The following SH3D19 variants were observed in gnomAD, a reference collection of about 807,000 sequenced individuals.
SH3D19 encodes the protein SH3 domain containing 19, also known as SH3 domain-containing protein 19.
In SH3D19, 58 loss-of-function variants were observed where a neutral mutation model predicts 112.1. That is an observed-to-expected ratio of 0.52 (90% CI 0.42 to 0.64). The LOEUF is 0.64. Among genes scored for constraint, SH3D19 ranks in the 30% least tolerant of loss-of-function variants. The pLI is 0.00. For synonymous variants in SH3D19, 391 were observed against 448.5 expected, an observed-to-expected ratio of 0.87 and a Z score of 1.62; for missense variants, 1,090 against 1,263.4, an observed-to-expected ratio of 0.86 and a Z score of 2.08.
intron 7 of SH3D19, among the ~76,000 whole-genome samples, chr4:151,167,320 C>CT (rs138468708): frequency 2.6e-5 from 4 of 151,810 alleles, no homozygotes; most frequent in African/African-American, 9.6e-5. Flanking sequence ...TATAATAGTA[C>CT]TTTTTTTACT....
intron 1 of SH3D19, among the ~76,000 whole-genome samples, chr4:151,251,214 C>A (rs1254853148): frequency 6.4e-5 from 5 of 78,070 alleles, no homozygotes; most frequent in Non-Finnish European, 1.3e-4. Context: ...TTTTTTTTTT[C>A]CTGAGACGGA....
intron 9 of SH3D19, among the ~76,000 whole-genome samples, chr4:151,150,595 G>A (rs1754880354): frequency 6.6e-6 from 1 of 151,954 alleles, no homozygotes; most frequent in South Asian, 2.1e-4. Context: ...TAAGGTCCAA[G>A]AAAGCAGTGT....
chr4:151,292,299 TAA>T (rs879829140), intron 1 of SH3D19, among the ~76,000 whole-genome samples: 6 of 142,356 alleles, frequency 4.2e-5, no homozygotes, highest in Non-Finnish European at 4.6e-5. Flanking sequence ...ACCCTGTCTT[TAA>T]AAAAAAAAAA....
At chr4:151,179,239 G>GC (rs1383007976) in intron 4 of SH3D19, 116 bp downstream of exon 4, 1 of 510,980 alleles carries the variant, frequency 2.0e-6, no homozygotes, top group African/African-American at 2.0e-5. Context: ...TATTGATGAA[G>GC]CAGAATACAA....
At chr4:151,198,155 A>C (rs912796218) in intron 2 of SH3D19, among the ~76,000 whole-genome samples, 1 of 151,370 alleles carries the variant, frequency 6.6e-6, no homozygotes, top group Non-Finnish European at 1.5e-5. Flanking sequence ...AATACAAAAA[A>C]TAAGCCAGGC....
At chr4:151,170,478 G>A (rs1270197864) in intron 7 of SH3D19, 1 of 151,590 alleles carries the variant, frequency 6.6e-6, no homozygotes, top group East Asian at 1.9e-4. Context: ...CTTTTTCTGG[G>A]GTTCAATTTA....
At chr4:151,122,352 T>C (rs1055325241) in intron 19 of SH3D19, 145 bp from the exon 20 acceptor site, 3 of 570,478 alleles carry the variant, frequency 5.3e-6, no homozygotes, top group East Asian at 2.9e-5. Flanking sequence ...CAATGATCTA[T>C]ACCTAATGAT....
intron 1 of SH3D19, among the ~76,000 whole-genome samples, chr4:151,238,056 G>C (rs1007491476): frequency 2.6e-5 from 4 of 152,160 alleles, no homozygotes; most frequent in African/African-American, 7.2e-5. Context: ...GCAGAAGAGG[G>C]AGAAAGAGAG....
rs1771911439 is a variant in SH3D19, at chr4:151,256,304, G to A, written c.113-30218C>T. Among the ~76,000 whole-genome samples, 4 of 152,134 alleles carry A rather than the reference G, an allele frequency of 2.6e-5. No homozygotes were observed. The South Asian group carries it at 8.3e-4, about 32-fold the overall frequency. On this transcript the variant is annotated intron_variant, in intron 1 of 19. Transcript: ENST00000604030. ...GTGCAGAAATACAAGTCAGATTCCT[G>A]TTTATGTAAAATGTCGAGAAAGTCC...
chr4:151,187,152 A>C lies in SH3D19; in HGVS notation c.193+271T>G, dbSNP rs375039762. Among the ~76,000 whole-genome samples, 181 of 152,288 alleles carry C rather than the reference A, an allele frequency of 1.2e-3. 2 individuals carry two copies. Among genetic ancestry groups the C allele is most frequent in the East Asian group, 4.0e-3 (21 of 5,188 alleles). ...AACTAGAGAGGCAAATTAAAAAAAAAAAACAAACAGCTTTATAGTATCACA... is the reference window on the plus strand; with the variant it reads ...AACTAGAGAGGCAAATTAAAAAAAACAAACAAACAGCTTTATAGTATCACA... On this transcript the variant is annotated intron_variant, in intron 3 of 19. Coordinates refer to ENST00000604030, the MANE Select transcript of SH3D19 (RefSeq NM_001378122.1).
At position 151,175,421 on chromosome 4, in the gene SH3D19, G is replaced by T. The variant is rs528128454; in HGVS notation, c.783C>A (p.Ser261=). The T allele has an allele frequency of 1.1e-5, 17 of 1,536,446 alleles. No homozygotes were observed. In the African/African-American group the frequency reaches 1.9e-4, roughly 17 times the overall value. ...ISPAAVGEES[S]PGRPQSLLDN... is the part of the protein sequence containing the mutation. The stretch of plus-strand genomic sequence containing the variant: ...CCAGCAGAGACTGGGGCCGGCCTGG[G>T]GATGACTCCTCTCCTACGGCTGCTG... Residue 261 remains serine (S), a synonymous_variant, in exon 7 of 20, where the codon TCC becomes TCA. Transcript: ENST00000604030.
At chr4:151,303,086 A>C (rs1048153734) in intron 1 of SH3D19, among the ~76,000 whole-genome samples, 7 of 152,354 alleles carry the variant, frequency 4.6e-5, no homozygotes, top group African/African-American at 1.7e-4. Context: ...TTGGGTCACA[A>C]GATGGAGATG....
intron 2 of SH3D19, among the ~76,000 whole-genome samples, chr4:151,220,648 T>C (rs1456793630): frequency 1.3e-5 from 2 of 152,192 alleles, no homozygotes; most frequent in African/African-American, 4.8e-5. Context: ...TGCCACTCCA[T>C]GGTACTTTTT....
chr4:151,144,702 T>A (rs1426762364), intron 11 of SH3D19, among the ~76,000 whole-genome samples: 1 of 152,214 alleles, frequency 6.6e-6, no homozygotes, highest in African/African-American at 2.4e-5. Context: ...GTGTACTGCC[T>A]GCCTGTTTCC....
chr4:151,287,011 G>A (rs1416799399), intron 1 of SH3D19, among the ~76,000 whole-genome samples: 3 of 124,354 alleles, frequency 2.4e-5, no homozygotes, highest in Admixed American at 8.0e-5. Flanking sequence ...AATAATAATA[G>A]TAATTAATAC....
chr4:151,151,473 T>C (rs977519247), intron 9 of SH3D19, among the ~76,000 whole-genome samples: 1 of 152,182 alleles, frequency 6.6e-6, no homozygotes, highest in Non-Finnish European at 1.5e-5. Context: ...CTCCTTCTTA[T>C]AAATGAGCCA....
intron 1 of SH3D19, among the ~76,000 whole-genome samples, chr4:151,232,153 C>T (rs923919103): frequency 6.6e-6 from 1 of 152,224 alleles, no homozygotes; most frequent in Admixed American, 6.5e-5. Flanking sequence ...CACTGCACTC[C>T]AGCCTGGGGG....
At chr4:151,262,118 C>T (rs1772422663) in intron 1 of SH3D19, among the ~76,000 whole-genome samples, 1 of 152,190 alleles carries the variant, frequency 6.6e-6, no homozygotes, top group Admixed American at 6.5e-5. Context: ...GAACAGGAGC[C>T]AACTGCCCAC....
intron 2 of SH3D19, among the ~76,000 whole-genome samples, chr4:151,218,242 A>G (rs1308164573): frequency 1.3e-5 from 2 of 152,174 alleles, no homozygotes; most frequent in African/African-American, 4.8e-5. Context: ...TAAAATCTGA[A>G]GTGTTTAATC....
Sources: gnomAD v4.1 joint callset for allele counts (sites outside exome capture counted in the v4.1 genomes callset) on GRCh38, gnomAD v4.1.1 for gene constraint, MANE v1.5 for transcripts, NCBI Gene and HGNC (gene_info 2026-07-23, HGNC 2026-07-21) for gene names.